Variants in RBFOX1 observed in about 807,000 individuals in gnomAD.
RBFOX1 encodes RNA binding fox-1 homolog 1.
A neutral mutation model predicts 57.7 loss-of-function variants in RBFOX1; 8 were observed. That is an observed-to-expected ratio of 0.14 (90% CI 0.08 to 0.25). The LOEUF (loss-of-function observed/expected upper bound fraction) is 0.25, where lower values mean the gene tolerates loss of function less well. Among genes scored for constraint, RBFOX1 ranks in the 10% least tolerant of loss-of-function variants. RBFOX1 has a pLI of 1.00. For synonymous variants in RBFOX1, 326 were observed against 222.4 expected (o/e 1.47, Z -4.15); for missense variants, 611 against 548.5 (o/e 1.11, Z -1.14).
At chr16:6,530,675 C>A (rs897748204) in intron 2 of RBFOX1, among the ~76,000 whole-genome samples, 3 of 152,034 alleles carry the variant, frequency 2.0e-5, no homozygotes, top group Non-Finnish European at 2.9e-5. Context: ...GAAGGAGGAG[C>A]AAGTTATGTC....
intron 4 of RBFOX1, among the ~76,000 whole-genome samples, chr16:7,136,583 T>G (rs2072053975): frequency 6.6e-6 from 1 of 151,964 alleles, no homozygotes; most frequent in East Asian, 1.9e-4. Flanking sequence ...ATTAATTTGT[T>G]TGTTTGTTTG....
chr16:6,252,802 C>A (rs1264417315), intron 1 of RBFOX1, among the ~76,000 whole-genome samples: 1 of 152,150 alleles, frequency 6.6e-6, no homozygotes, highest in Non-Finnish European at 1.5e-5. Context: ...AATTAGCAAA[C>A]AGTTCCTGAT....
intron 3 of RBFOX1, among the ~76,000 whole-genome samples, chr16:6,770,557 A>T (rs931954115): frequency 6.6e-6 from 1 of 152,020 alleles, no homozygotes; most frequent in Non-Finnish European, 1.5e-5. Context: ...ATGTTCGTCA[A>T]CCTAGGGAAT....
chr16:7,710,981 G>T lies in RBFOX1; in HGVS notation c.*236G>T. 1 of 452,892 alleles carries T rather than the reference G, an allele frequency of 2.2e-6. No individual in the cohort carries two copies. The highest frequency in any genetic ancestry group is 2.0e-5 in the African/African-American group (1 of 49,134). 28.1% of individuals were successfully genotyped at this position (452,892 alleles called of 1,614,324 possible). A position where few individuals can be genotyped will look rare whatever the true frequency, so the allele number is the denominator to read the frequency against. On this transcript the variant is annotated 3_prime_UTR_variant, in exon 16 of 16. Coordinates refer to ENST00000550418, the MANE Select transcript of RBFOX1 (RefSeq NM_018723.4). ...TCCGTAGTTTGGTTGCTGGCTGTAG[G>T]AGTTTTTGTGGTTGATCTAGACAGA... is the stretch of plus-strand genomic sequence containing the variant.
At chr16:7,442,986 G>A (rs1369299636) in intron 4 of RBFOX1, among the ~76,000 whole-genome samples, 1 of 152,158 alleles carries the variant, frequency 6.6e-6, no homozygotes. Context: ...CTCCCATAGT[G>A]CACTGGGAAG....
chr16:6,967,784 G>C (rs1375650328), intron 3 of RBFOX1, among the ~76,000 whole-genome samples: 1 of 152,088 alleles, frequency 6.6e-6, no homozygotes, highest in African/African-American at 2.4e-5. Context: ...ATGTGTGGGA[G>C]GCAGCAGGTG....
At chr16:5,604,536 C>A (rs943741011), downstream of RBFOX1, among the ~76,000 whole-genome samples, 2 of 152,192 alleles carry the variant, frequency 1.3e-5, no homozygotes, top group Admixed American at 6.5e-5. Context: ...GGGAGTGTCT[C>A]TCTAGTGCAT....
intron 4 of RBFOX1, among the ~76,000 whole-genome samples, chr16:7,071,817 C>G (rs942667553): frequency 6.6e-6 from 1 of 152,104 alleles, no homozygotes; most frequent in Non-Finnish European, 1.5e-5. Flanking sequence ...CTTCTACACA[C>G]ACACACCTGC....
At chr16:6,422,211 C>T (rs943040520) in intron 2 of RBFOX1, among the ~76,000 whole-genome samples, 1 of 151,044 alleles carries the variant, frequency 6.6e-6, no homozygotes, top group Non-Finnish European at 1.5e-5. Context: ...TGTGAGCCAC[C>T]ACGCCCGACC....
intron 3 of RBFOX1, among the ~76,000 whole-genome samples, chr16:7,019,424 G>C (rs2094094428): frequency 6.6e-6 from 1 of 152,090 alleles, no homozygotes; most frequent in Admixed American, 6.6e-5. Flanking sequence ...GAGAGAGTGG[G>C]AGAGTGCATT....
intron 1 of RBFOX1, among the ~76,000 whole-genome samples, chr16:5,315,587 C>A (rs1310975840): frequency 1.3e-5 from 2 of 152,164 alleles, no homozygotes; most frequent in East Asian, 3.9e-4. Context: ...GGACAAGAAT[C>A]ACAATTATGC....
At chr16:6,417,102 C>A (rs1221690866) in intron 2 of RBFOX1, among the ~76,000 whole-genome samples, 1 of 152,154 alleles carries the variant, frequency 6.6e-6, no homozygotes, top group Non-Finnish European at 1.5e-5. Flanking sequence ...TCCTCTGCCT[C>A]CCGGGTTCAA....
chr16:7,483,498 G>A (rs1400538487), intron 4 of RBFOX1, among the ~76,000 whole-genome samples: 4 of 152,192 alleles, frequency 2.6e-5, no homozygotes, highest in Admixed American at 1.3e-4. Context: ...TTAGTGTGTG[G>A]TGGACATTGT....
chr16:6,776,307 G>T (rs184953443), intron 3 of RBFOX1, among the ~76,000 whole-genome samples: 2 of 151,910 alleles, frequency 1.3e-5, no homozygotes, highest in East Asian at 3.9e-4. Context: ...GCTACTCGGG[G>T]GGCTGAGGCA....
At chr16:6,898,931 GTATGTGTGTA>G (rs1245492958) in intron 3 of RBFOX1, among the ~76,000 whole-genome samples, 1 of 151,382 alleles carries the variant, frequency 6.6e-6, no homozygotes, top group African/African-American at 2.4e-5. Flanking sequence ...GTATATGTGT[GTATGTGTGTA>G]TATGTGTATA....
intron 2 of RBFOX1, among the ~76,000 whole-genome samples, chr16:6,380,311 GGT>G (rs1355209714): frequency 6.6e-6 from 1 of 151,442 alleles, no homozygotes; most frequent in Non-Finnish European, 1.5e-5. Context: ...GAACAGTGAC[GGT>G]GGTGGAGGCA....
chr16:5,477,001 A>G (rs533490090), intron 2 of RBFOX1, among the ~76,000 whole-genome samples: 48 of 152,184 alleles, frequency 3.2e-4, no homozygotes, highest in Non-Finnish European at 2.2e-4. Flanking sequence ...TTGGTAAACT[A>G]TTTTGGTGTT....
chr16:7,528,823 A>G (rs773490758), intron 5 of RBFOX1, among the ~76,000 whole-genome samples: 7 of 152,204 alleles, frequency 4.6e-5, no homozygotes, highest in Non-Finnish European at 1.0e-4. Context: ...AGGCTGGAAA[A>G]AGAAGTTGGC....
intron 4 of RBFOX1, among the ~76,000 whole-genome samples, chr16:7,099,136 G>A (rs2062208772): frequency 6.6e-6 from 1 of 151,954 alleles, no homozygotes; most frequent in African/African-American, 2.4e-5. Context: ...GCAGATAGTA[G>A]CTGTTTACTA....
Sources: allele counts gnomAD v4.1 joint callset (sites outside exome capture counted in the v4.1 genomes callset), GRCh38; gene constraint gnomAD v4.1.1; transcripts MANE v1.5; gene names NCBI Gene and HGNC (gene_info 2026-07-23, HGNC 2026-07-21).